The following ACACB variants were observed in gnomAD, a reference collection of about 807,000 sequenced individuals.
ACACB encodes the protein acetyl-CoA carboxylase 2.
Under a neutral mutation model 278.8 loss-of-function variants are expected in ACACB, and 209 were observed. That is an observed-to-expected ratio of 0.75 (90% CI 0.67 to 0.84). ACACB has a LOEUF of 0.84. Ranked by LOEUF, ACACB falls within the 40% of genes least tolerant of loss-of-function variation. ACACB has a pLI of 0.00. For missense variants in ACACB, 2,850 were observed against 3,269.0 expected (o/e 0.87, Z 3.13); for synonymous variants, 1,174 against 1,285.6 (o/e 0.91, Z 1.86).
At chr12:109,256,296 A>G in intron 45 of ACACB, 60 bp downstream of exon 45, 1 of 1,415,476 alleles carries the variant, frequency 7.1e-7, no homozygotes, top group Non-Finnish European at 1.0e-6. Context: ...TGGGGCCCCG[A>G]GGTGTGAGGC....
In ACACB at chr12:109,210,353, CTG is replaced by C. The variant is rs1277430368; in HGVS notation, c.3249+1004_3249+1005del. 4.2e-4 allele frequency among the ~76,000 whole-genome samples: 30 copies of C among 71,656 alleles called. 3 individuals are homozygous for C. Among genetic ancestry groups the C allele is most frequent in the South Asian group, 1.4e-3 (3 of 2,200 alleles). 47.0% of individuals were successfully genotyped at this position (71,656 alleles called of 152,430 possible). A position where few individuals can be genotyped will look rare whatever the true frequency, so the allele number is the denominator to read the frequency against. ...TATGTATATACACGCACACACATAT[CTG>C]TGTATATATGTATATACACGCACAC... On this transcript the variant is annotated intron_variant, in intron 21 of 52. Transcript: ENST00000338432.
intron 13 of ACACB, among the ~76,000 whole-genome samples, chr12:109,190,504 G>A (rs747781983): frequency 6.6e-5 from 10 of 152,236 alleles, no homozygotes; most frequent in African/African-American, 1.2e-4. Flanking sequence ...CCATCTGCAG[G>A]TGCACCCCAC....
intron 19 of ACACB, among the ~76,000 whole-genome samples, chr12:109,205,992 T>C (rs1314878094): frequency 6.6e-6 from 1 of 152,214 alleles, no homozygotes; most frequent in Non-Finnish European, 1.5e-5. Flanking sequence ...TAAGACTGAA[T>C]TTTTATGATT....
In ACACB at chr12:109,265,480, A is replaced by G. The variant is rs764160682; in HGVS notation, c.7205A>G (p.Asn2402Ser). 1.9e-6 allele frequency: 3 copies of G among 1,613,746 alleles called. No individual in the cohort carries two copies. The highest frequency in any genetic ancestry group is 2.5e-6 in the Non-Finnish European group (3 of 1,179,940). Residue 2402 changes from asparagine to serine, a missense_variant, in exon 52 of 53, where the codon AAC becomes AGC. Asn to Ser is a conservative substitution (Grantham distance 46, BLOSUM62 1). Around this residue, in one of 3 missense-constraint regions of ACACB, gnomAD observed 579 missense variants for 684.6 expected, o/e 0.85. Coordinates refer to ENST00000338432, the MANE Select transcript of ACACB (RefSeq NM_001093.4). ...GDGPRSTIRENITYLKHDSVL... is the reference protein window; with the variant it reads ...GDGPRSTIRESITYLKHDSVL... ...GGCCCGCGCTCCACCATCCGTGAGA[A>G]CATCACGTACCTGAAGCACGACTCT...
chr12:109,198,087 G>A (rs770468715), intron 17 of ACACB, among the ~76,000 whole-genome samples: 2 of 151,896 alleles, frequency 1.3e-5, no homozygotes, highest in Non-Finnish European at 2.9e-5. Context: ...TTGTAGAGAC[G>A]GGGTTTTGCC....
In ACACB at chr12:109,174,158, T is replaced by G; in HGVS notation, c.1144T>G (p.Leu382Val). ...CCCTCCCAGTGAGGCCATGTGGGCCTTAGGAGATAAGATCGCCTCCACCGT... is the reference window on the plus strand; with the variant it reads ...CCCTCCCAGTGAGGCCATGTGGGCCGTAGGAGATAAGATCGCCTCCACCGT... Reference protein sequence around the residue: ...LGPPSEAMWALGDKIASTVVA... With the variant: ...LGPPSEAMWAVGDKIASTVVA... Residue 382 changes from leucine (L) to valine (V), a missense_variant, in exon 7 of 53, where the codon TTA becomes GTA. Leu to Val is a conservative substitution (Grantham distance 32). This residue lies in a region of ACACB where 2,265 missense variants were observed against 2,561.3 expected (regional missense o/e 0.88). Transcript: ENST00000338432. The G allele has an allele frequency of 6.2e-7, 1 of 1,612,796 alleles. No homozygotes were observed. Among genetic ancestry groups the G allele is most frequent in the Non-Finnish European group, 8.5e-7 (1 of 1,179,530 alleles).
At chr12:109,240,721 C>T (rs2046771849) in intron 35 of ACACB, among the ~76,000 whole-genome samples, 1 of 151,702 alleles carries the variant, frequency 6.6e-6, no homozygotes, top group Admixed American at 6.6e-5. Flanking sequence ...TCTGGCCTCA[C>T]TAGTTCAGGT....
At position 109,235,278 on chromosome 12, in the gene ACACB, A is replaced by G. The variant is rs1287703303; in HGVS notation, c.4348-35A>G. Reference sequence around the variant, plus strand: ...ATACTTCAGTTCCTTTTACGGCCAAATAATATTCCATTGTGTCTTTGGTTT... The same window carrying G: ...ATACTTCAGTTCCTTTTACGGCCAAGTAATATTCCATTGTGTCTTTGGTTT... On this transcript the variant is annotated intron_variant, in intron 31 of 52. Coordinates refer to ENST00000338432, the MANE Select transcript of ACACB (RefSeq NM_001093.4). 8.8e-6 allele frequency: 14 copies of G among 1,596,694 alleles called. 1 individual carries two copies. The Middle Eastern group carries it at 8.3e-4, about 94-fold the overall frequency.
rs2043060631 is a variant in ACACB at position 109,139,939 on chromosome 12, C to T, written c.534C>T (p.Asp178=). Residue 178 remains aspartate, a synonymous_variant, in exon 2 of 53, where the codon GAC becomes GAT. Transcript: ENST00000338432. ...TTGATGACTACTCCTCCGACGAGGA[C>T]TCTGTTGCTGGCTCATCTCGTGAGT... ...GSFDDYSSDE[D]SVAGSSREST... is the part of the protein sequence containing the mutation. The T allele has an allele frequency of 1.2e-6, 2 of 1,614,056 alleles. No individual in the cohort carries two copies. The highest frequency in any genetic ancestry group is 1.3e-5 in the African/African-American group (1 of 74,946).
Position 109,256,129 on chromosome 12 carries a change from T to A in ACACB, c.6167-11T>A. The A allele has an allele frequency of 5.6e-6, 9 of 1,611,952 alleles. No individual in the cohort carries two copies. The highest frequency in any genetic ancestry group is 7.6e-6 in the Non-Finnish European group (9 of 1,178,356). On this transcript the variant is annotated splice_polypyrimidine_tract_variant and intron_variant, in intron 44 of 52. Transcript: ENST00000338432. ...GCCCTCCAGCCTGGGCTTCTGCCCT[T>A]CTGTCCACAGCTCTGAAGGGAACGT... is the stretch of plus-strand genomic sequence containing the variant.
chr12:109,163,254 A>C (rs1346360691), intron 2 of ACACB, among the ~76,000 whole-genome samples: 1 of 152,162 alleles, frequency 6.6e-6, no homozygotes, highest in Non-Finnish European at 1.5e-5. Flanking sequence ...ATGTAAGTCA[A>C]GGTCCAAACC....
chr12:109,256,311 G>A, intron 45 of ACACB, 75 bp downstream of exon 45: 2 of 1,152,866 alleles, frequency 1.7e-6, no homozygotes, highest in South Asian at 1.3e-5. Flanking sequence ...TGAGGCCAGG[G>A]ACCTCCAGGG....
intron 36 of ACACB, chr12:109,241,921 G>A (rs1018514120): frequency 2.8e-4 from 43 of 155,906 alleles, no homozygotes; most frequent in Admixed American, 1.7e-3. Flanking sequence ...CAAGTAGCTG[G>A]GACTACAGGC....
intron 1 of ACACB, among the ~76,000 whole-genome samples, chr12:109,130,451 A>G (rs2042794732): frequency 6.6e-6 from 1 of 152,208 alleles, no homozygotes; most frequent in African/African-American, 2.4e-5. Context: ...ATGCCTCAAT[A>G]TAGCGGAAGA....
In ACACB at chr12:109,167,942, C is replaced by G. The variant is rs763366636; in HGVS notation, c.833C>G (p.Ser278Cys). The change falls in exon 4 of 53, where the codon TCC (serine) becomes TGC (cysteine). Residue 278 changes from serine (S) to cysteine (C), a missense_variant. By Grantham distance (112) the Ser-to-Cys change is moderately radical. This residue lies in a region of ACACB where 2,265 missense variants were observed against 2,561.3 expected (regional missense o/e 0.88). Transcript: ENST00000338432. ...ATTGCCGCCGTGAAGTGCATGCGCT[C>G]CATCCGCAGGTGGGCCTATGAGATG... is the stretch of plus-strand genomic sequence containing the variant. ...NGIAAVKCMR[S>C]IRRWAYEMFR... 6 of 1,613,944 alleles carry G rather than the reference C, an allele frequency of 3.7e-6. No homozygotes were observed. The highest frequency in any genetic ancestry group is 1.6e-4 in the Middle Eastern group (1 of 6,062).
chr12:109,232,869 T>C lies in ACACB; in HGVS notation c.4139+63T>C, dbSNP rs561069285. Reference sequence around the variant, plus strand: ...GGGGGCTGGGCAGACTTCCCTTGAATCCCCCCCCAATTCACTGGACAGATG... The same window carrying C: ...GGGGGCTGGGCAGACTTCCCTTGAACCCCCCCCCAATTCACTGGACAGATG... On this transcript the variant is annotated intron_variant, in intron 29 of 52. Transcript: ENST00000338432. The C allele has an allele frequency of 2.7e-5, 43 of 1,572,214 alleles. No individual in the cohort carries two copies. The East Asian group carries it at 4.1e-4, about 15-fold the overall frequency.
intron 4 of ACACB, among the ~76,000 whole-genome samples, chr12:109,171,343 C>T (rs1199336175): frequency 1.3e-5 from 2 of 150,176 alleles, no homozygotes; most frequent in Admixed American, 1.3e-4. Context: ...ATTTTCTTTA[C>T]ATTTTCTTTC....
chr12:109,259,252 G>A, intron 47 of ACACB, 144 bp downstream of exon 47: 2 of 1,060,794 alleles, frequency 1.9e-6, no homozygotes, highest in Non-Finnish European at 2.7e-6. Context: ...AGAAAATATT[G>A]TTCAGGTGCC....
rs572308183 is a variant in ACACB, at chr12:109,245,552, C to T, written c.5179-74C>T. ...AATTCACCCTGGAATCATGACAGAT[C>T]ATCTCTGTCTGGGAAAGATAGTTCT... On this transcript the variant is annotated intron_variant, in intron 37 of 52. Transcript: ENST00000338432. 116 of 1,469,712 alleles carry T rather than the reference C, an allele frequency of 7.9e-5. 3 individuals carry two copies. The South Asian group carries it at 1.5e-3, about 19-fold the overall frequency. 91.0% of individuals were successfully genotyped at this position (1,469,712 alleles called of 1,614,324 possible).
Sources: allele counts gnomAD v4.1 joint callset (sites outside exome capture counted in the v4.1 genomes callset), GRCh38; gene constraint gnomAD v4.1.1; regional missense constraint gnomAD v4.1.1; transcripts MANE v1.5; gene names NCBI Gene and HGNC (gene_info 2026-07-23, HGNC 2026-07-21).